LRRC20: variants seen among roughly 807,000 people sequenced by gnomAD.
The protein encoded by LRRC20 is leucine-rich repeat-containing protein 20.
A neutral mutation model predicts 14.4 loss-of-function variants in LRRC20; 11 were observed. The observed-to-expected ratio is 0.77, with a 90% CI of 0.48 to 1.27. The LOEUF (loss-of-function observed/expected upper bound fraction) is 1.27. LRRC20 is among the 50% of genes most tolerant of loss of function. LRRC20 has a pLI of 0.00. For missense variants in LRRC20, 219 were observed against 251.2 expected, an observed-to-expected ratio of 0.87 and a Z score of 0.87; for synonymous variants, 121 against 107.3, an observed-to-expected ratio of 1.13 and a Z score of -0.79.
intron 4 of LRRC20, among the ~76,000 whole-genome samples, chr10:70,322,497 G>T (rs547234864): frequency 1.3e-5 from 2 of 152,194 alleles, no homozygotes; most frequent in Non-Finnish European, 2.9e-5. Flanking sequence ...AGGGAGAGCC[G>T]CGCAGGCCAA....
At chr10:70,360,628 G>T (rs1843685988) in intron 2 of LRRC20, among the ~76,000 whole-genome samples, 1 of 151,994 alleles carries the variant, frequency 6.6e-6, no homozygotes, top group Non-Finnish European at 1.5e-5. Context: ...TTTTTGTAGA[G>T]ACAGTGGTCT....
At chr10:70,335,789 C>T (rs1046631333) in intron 3 of LRRC20, among the ~76,000 whole-genome samples, 1 of 152,252 alleles carries the variant, frequency 6.6e-6, no homozygotes, top group African/African-American at 2.4e-5. Flanking sequence ...ATTTCCCAAA[C>T]ATAACTTTCA....
intron 3 of LRRC20, 127 bp downstream of exon 3, chr10:70,340,425 AC>A (rs1842869928): frequency 8.9e-7 from 1 of 1,124,826 alleles, no homozygotes; most frequent in Non-Finnish European, 1.3e-6. Flanking sequence ...TTCAAAGTCA[AC>A]CCATGGGAAT....
chr10:70,356,593 C>T (rs1159923074), intron 2 of LRRC20, among the ~76,000 whole-genome samples: 1 of 151,998 alleles, frequency 6.6e-6, no homozygotes, highest in Non-Finnish European at 1.5e-5. Flanking sequence ...TAGCTCACAC[C>T]TGTAATCCCA....
At chr10:70,322,358 G>A (rs1257304597) in intron 4 of LRRC20, among the ~76,000 whole-genome samples, 1 of 152,200 alleles carries the variant, frequency 6.6e-6, no homozygotes, top group Non-Finnish European at 1.5e-5. Flanking sequence ...AGAAGGAAGT[G>A]GAGGCATCTT....
chr10:70,305,232 G>A lies in LRRC20; in HGVS notation c.401-3724C>T, dbSNP rs944140202. On this transcript the variant is annotated intron_variant, in intron 4 of 4. Coordinates refer to ENST00000446961, the MANE Select transcript of LRRC20 (RefSeq NM_001278212.2). ...AGAAACTTCAGACCCATGTCATAAC[G>A]TGAATGAACCTTGAGGTTCACCTGT... Among the ~76,000 whole-genome samples, 4 of 152,208 alleles carry A rather than the reference G, an allele frequency of 2.6e-5. 1 individual carries two copies. Among genetic ancestry groups the A allele is most frequent in the South Asian group, 2.1e-4 (1 of 4,810 alleles).
At chr10:70,323,716 C>G (rs1842190206) in intron 4 of LRRC20, 147 bp downstream of exon 4, 2 of 885,332 alleles carry the variant, frequency 2.3e-6, no homozygotes, top group Admixed American at 2.8e-5. Flanking sequence ...AAAATGTCTA[C>G]CTTCCCAGGC....
At position 70,354,800 on chromosome 10, in the gene LRRC20, C is replaced by A. The variant is rs184910159; in HGVS notation, c.83-14098G>T. 3.8e-3 allele frequency among the ~76,000 whole-genome samples: 577 copies of A among 152,300 alleles called. 5 individuals are homozygous for A. Among genetic ancestry groups the A allele is most frequent in the African/African-American group, 0.013 (530 of 41,552 alleles). On this transcript the variant is annotated intron_variant, in intron 2 of 4. Transcript: ENST00000446961. ...AGCAGAGACAGAGTCTCTTCACTCT[C>A]TTCTCTCGCTTTGTTCATGCTTCTG... is the stretch of plus-strand genomic sequence containing the variant.
At chr10:70,320,296 GAGAT>G (rs10555469) in intron 4 of LRRC20, among the ~76,000 whole-genome samples, 27,074 of 148,298 alleles carry the variant, frequency 0.18, 2,471 homozygotes, top group African/African-American at 0.2. Context: ...CATGTCCCAG[GAGAT>G]AGATAGATAG....
chr10:70,313,886 C>T (rs879580178), intron 4 of LRRC20, among the ~76,000 whole-genome samples: 23 of 152,114 alleles, frequency 1.5e-4, no homozygotes, highest in Admixed American at 3.3e-4. Flanking sequence ...CCACCTGGAC[C>T]GGTATATTAG....
chr10:70,378,892 GC>G (rs1453896192), intron 1 of LRRC20, among the ~76,000 whole-genome samples: 2 of 152,180 alleles, frequency 1.3e-5, no homozygotes, highest in Non-Finnish European at 2.9e-5. Flanking sequence ...GTTGCAGTGA[GC>G]CGAGATCGTC....
chr10:70,357,346 C>T (rs1000474891), intron 2 of LRRC20, among the ~76,000 whole-genome samples: 4 of 152,060 alleles, frequency 2.6e-5, no homozygotes, highest in African/African-American at 4.8e-5. Flanking sequence ...AAAATGTAAA[C>T]GTTACAGTAT....
intron 4 of LRRC20, among the ~76,000 whole-genome samples, chr10:70,311,370 C>T (rs979914174): frequency 2.6e-5 from 4 of 151,740 alleles, no homozygotes; most frequent in South Asian, 2.1e-4. Context: ...TACAGGTGCA[C>T]ACCACCACAC....
chr10:70,311,361 ACAGG>A (rs1323565402), intron 4 of LRRC20, among the ~76,000 whole-genome samples: 2 of 150,484 alleles, frequency 1.3e-5, no homozygotes, highest in African/African-American at 4.9e-5. Flanking sequence ...CCCTGGGATT[ACAGG>A]TGCACACCAC....
intron 4 of LRRC20, among the ~76,000 whole-genome samples, chr10:70,316,907 G>A (rs528894418): frequency 8.5e-5 from 13 of 152,366 alleles, no homozygotes; most frequent in Non-Finnish European, 1.9e-4. Context: ...AAGGCATGAA[G>A]CTGCTGGGCA....
intron 2 of LRRC20, among the ~76,000 whole-genome samples, chr10:70,362,356 C>T (rs552809304): frequency 2.0e-5 from 3 of 152,334 alleles, no homozygotes; most frequent in South Asian, 4.1e-4. Flanking sequence ...TGAGGGAAGC[C>T]CCAAGCTACT....
At chr10:70,347,643 A>T (rs766445277) in intron 2 of LRRC20, among the ~76,000 whole-genome samples, 10 of 152,046 alleles carry the variant, frequency 6.6e-5, no homozygotes, top group Non-Finnish European at 1.2e-4. Flanking sequence ...AACATGGTGA[A>T]ACCCCATCTT....
intron 2 of LRRC20, among the ~76,000 whole-genome samples, chr10:70,359,574 T>C (rs982910166): frequency 2.6e-5 from 4 of 152,204 alleles, no homozygotes; most frequent in African/African-American, 9.6e-5. Flanking sequence ...TTGGAGGTGC[T>C]GACCCCACTG....
At position 70,351,089 on chromosome 10, in the gene LRRC20, G is replaced by A. The variant is rs575431513; in HGVS notation, c.83-10387C>T. Among the ~76,000 whole-genome samples, 8 of 152,246 alleles carry A rather than the reference G, an allele frequency of 5.3e-5. 1 individual carries two copies. In the South Asian group the frequency reaches 1.2e-3, roughly 24 times the overall value. ...CCAGCTACTCAGGAGGCTGAGGTGG[G>A]AGGATTGCTTGAGCCTAGGAAGTCA... On this transcript the variant is annotated intron_variant, in intron 2 of 4. Coordinates refer to ENST00000446961, the MANE Select transcript of LRRC20 (RefSeq NM_001278212.2).
Sources: gnomAD v4.1 joint callset for allele counts (sites outside exome capture counted in the v4.1 genomes callset) on GRCh38, gnomAD v4.1.1 for gene constraint, MANE v1.5 for transcripts, NCBI Gene and HGNC (gene_info 2026-07-23, HGNC 2026-07-21) for gene names.